The following GPC6 variants were observed in gnomAD, a reference collection of about 807,000 sequenced individuals.
GPC6 encodes glypican 6, also known as glypican-6.
A neutral mutation model predicts 55.2 loss-of-function variants in GPC6; 14 were observed. The observed-to-expected ratio is 0.25, with a 90% CI of 0.17 to 0.40. GPC6 has a LOEUF of 0.40. GPC6 is among the 10% of genes least tolerant of loss of function. The pLI, the probability that GPC6 is intolerant of heterozygous loss-of-function variation, is 1.00. For missense variants in GPC6, 641 were observed against 708.5 expected (o/e 0.90, Z 1.08); for synonymous variants, 278 against 259.6 (o/e 1.07, Z -0.68).
intron 4 of GPC6, among the ~76,000 whole-genome samples, chr13:94,181,399 C>T (rs745713911): frequency 3.9e-5 from 6 of 152,116 alleles, no homozygotes; most frequent in South Asian, 2.1e-4. Flanking sequence ...AAAGAACCTG[C>T]GTTGAAATAT....
At chr13:94,324,594 T>A (rs1035939728) in intron 6 of GPC6, among the ~76,000 whole-genome samples, 1 of 151,976 alleles carries the variant, frequency 6.6e-6, no homozygotes, top group Admixed American at 6.6e-5. Context: ...CCTCCCCTTT[T>A]AAAAGAATAA....
At chr13:93,780,832 A>T (rs1458864915) in intron 2 of GPC6, among the ~76,000 whole-genome samples, 1 of 152,164 alleles carries the variant, frequency 6.6e-6, no homozygotes, top group Non-Finnish European at 1.5e-5. Flanking sequence ...ACTTATTCCT[A>T]TAAAATGACT....
intron 1 of GPC6, among the ~76,000 whole-genome samples, chr13:93,356,664 G>T (rs539372842): frequency 6.6e-6 from 1 of 152,288 alleles, no homozygotes; most frequent in East Asian, 1.9e-4. Flanking sequence ...AGGCAAACAC[G>T]GCCAGCAGCA....
chr13:93,313,981 G>T (rs1208477368), intron 1 of GPC6, among the ~76,000 whole-genome samples: 1 of 152,114 alleles, frequency 6.6e-6, no homozygotes, highest in African/African-American at 2.4e-5. Context: ...TGACATTGTA[G>T]GTATGAACTT....
intron 5 of GPC6, among the ~76,000 whole-genome samples, chr13:94,299,878 C>T (rs895334829): frequency 2.0e-5 from 3 of 152,266 alleles, no homozygotes; most frequent in African/African-American, 2.4e-5. Flanking sequence ...ACGATAGCTT[C>T]TATTTCCTTG....
chr13:93,388,929 T>A (rs566045599), intron 1 of GPC6, among the ~76,000 whole-genome samples: 1 of 152,286 alleles, frequency 6.6e-6, no homozygotes, highest in Non-Finnish European at 1.5e-5. Context: ...TTGCCATGGT[T>A]AAACCAGTGA....
chr13:94,193,253 A>C (rs1274715386), intron 4 of GPC6, among the ~76,000 whole-genome samples: 1 of 152,194 alleles, frequency 6.6e-6, no homozygotes, highest in Non-Finnish European at 1.5e-5. Flanking sequence ...AATGCCACCC[A>C]GGAGGCCTTT....
At chr13:93,358,098 G>T (rs1369287511) in intron 1 of GPC6, among the ~76,000 whole-genome samples, 2 of 152,144 alleles carry the variant, frequency 1.3e-5, no homozygotes, top group Non-Finnish European at 2.9e-5. Flanking sequence ...CTATAATCCA[G>T]CATTTTGGGA....
At chr13:93,689,851 G>C (rs147105762) in intron 2 of GPC6, among the ~76,000 whole-genome samples, 312 of 152,170 alleles carry the variant, frequency 2.1e-3, no homozygotes, top group African/African-American at 7.2e-3. Flanking sequence ...TACAATTCCA[G>C]TTTGTCTTAA....
chr13:93,933,121 T>C (rs1878267939), intron 3 of GPC6, among the ~76,000 whole-genome samples: 1 of 151,874 alleles, frequency 6.6e-6, no homozygotes, highest in African/African-American at 2.4e-5. Context: ...TATCTCCTAC[T>C]AGAAGGCACT....
chr13:94,097,525 AAAAG>A (rs1885711130), intron 4 of GPC6, among the ~76,000 whole-genome samples: 1 of 151,776 alleles, frequency 6.6e-6, no homozygotes. Flanking sequence ...AAAAAAAAAA[AAAAG>A]AGGCAAGTGA....
At chr13:94,402,435 T>C (rs1049857373) in intron 8 of GPC6, among the ~76,000 whole-genome samples, 6 of 152,276 alleles carry the variant, frequency 3.9e-5, no homozygotes, top group African/African-American at 1.2e-4. Context: ...TCAGTTGATA[T>C]TGTTCTTCAA....
chr13:93,611,555 T>C (rs2139540420), intron 2 of GPC6, among the ~76,000 whole-genome samples: 1 of 152,302 alleles, frequency 6.6e-6, no homozygotes, highest in East Asian at 1.9e-4. Context: ...GCTTTGTTCA[T>C]TTTATTAGCA....
intron 3 of GPC6, among the ~76,000 whole-genome samples, chr13:93,995,769 A>C (rs1259219181): frequency 6.6e-6 from 1 of 152,196 alleles, no homozygotes; most frequent in East Asian, 1.9e-4. Flanking sequence ...ATTATTCATA[A>C]ACCTCATAAA....
chr13:93,988,749 A>T (rs1434876485), intron 3 of GPC6, among the ~76,000 whole-genome samples: 1 of 152,176 alleles, frequency 6.6e-6, no homozygotes, highest in African/African-American at 2.4e-5. Context: ...CAAATTGAAG[A>T]TTAGGTTTTA....
chr13:94,034,252 A>AAGGAAGGAAGGAAGGAGGGAAG (rs1594683128), intron 4 of GPC6, among the ~76,000 whole-genome samples: 2 of 57,076 alleles, frequency 3.5e-5, no homozygotes, highest in Non-Finnish European at 9.9e-5. Context: ...AAGGAAGGAA[A>AAGGAAGGAAGGAAGGAGGGAAG]GAAAGAAAGA....
chr13:93,590,417 T>C (rs999788359), intron 2 of GPC6, among the ~76,000 whole-genome samples: 3 of 152,156 alleles, frequency 2.0e-5, no homozygotes, highest in Non-Finnish European at 2.9e-5. Context: ...CAAAATCTTA[T>C]ATTTTAAAGA....
intron 6 of GPC6, among the ~76,000 whole-genome samples, chr13:94,353,732 C>T (rs1345938277): frequency 1.3e-5 from 2 of 152,156 alleles, no homozygotes; most frequent in African/African-American, 4.8e-5. Flanking sequence ...CATCCAGTCA[C>T]CTGACAGAGC....
chr13:93,903,403 A>G (rs1594574130), intron 3 of GPC6, among the ~76,000 whole-genome samples: 1 of 152,254 alleles, frequency 6.6e-6, no homozygotes, highest in South Asian at 2.1e-4. Flanking sequence ...ATTTCCTCAT[A>G]TTCTTACCTT....
Sources: gnomAD v4.1 joint callset for allele counts (sites outside exome capture counted in the v4.1 genomes callset) on GRCh38, gnomAD v4.1.1 for gene constraint, MANE v1.5 for transcripts, NCBI Gene and HGNC (gene_info 2026-07-23, HGNC 2026-07-21) for gene names.